Variants in BIRC2 observed in about 807,000 individuals in gnomAD.
The protein encoded by BIRC2 is baculoviral IAP repeat containing 2.
BIRC2 carries 18 observed loss-of-function variants against 60.9 expected under a neutral mutation model. That is an observed-to-expected ratio of 0.30 (90% CI 0.20 to 0.44). The LOEUF is 0.44. Ranked by LOEUF, BIRC2 falls within the 20% of genes least tolerant of loss-of-function variation. BIRC2 has a pLI of 1.00. For missense variants in BIRC2, 701 were observed against 728.5 expected (o/e 0.96, Z 0.43); for synonymous variants, 282 against 247.7 (o/e 1.14, Z -1.30).
chr11:102,356,917 A>G (rs1475767151), intron 3 of BIRC2, among the ~76,000 whole-genome samples: 2 of 150,710 alleles, frequency 1.3e-5, no homozygotes, highest in African/African-American at 4.9e-5. Flanking sequence ...TGATCCACCC[A>G]TCTTGGCCTC....
chr11:102,364,178 C>CAG (rs1565335647), intron 5 of BIRC2, among the ~76,000 whole-genome samples: 5 of 62,740 alleles, frequency 8.0e-5, no homozygotes, highest in Non-Finnish European at 1.2e-4. Flanking sequence ...TATATATACA[C>CAG]ACACACACAG....
intron 5 of BIRC2, among the ~76,000 whole-genome samples, chr11:102,365,419 T>G (rs1006936027): frequency 6.6e-6 from 1 of 152,172 alleles, no homozygotes; most frequent in Non-Finnish European, 1.5e-5. Context: ...CCTAGGAAGA[T>G]TTATCTGTGC....
intron 6 of BIRC2, among the ~76,000 whole-genome samples, chr11:102,374,505 TGAG>T (rs1407531601): frequency 1.3e-5 from 2 of 149,422 alleles, no homozygotes; most frequent in South Asian, 2.2e-4. Flanking sequence ...GGGACCCACT[TGAG>T]GAGGCAGTCT....
chr11:102,376,041 C>G (rs983887695), intron 6 of BIRC2, among the ~76,000 whole-genome samples: 4 of 151,254 alleles, frequency 2.6e-5, no homozygotes, highest in African/African-American at 9.7e-5. Flanking sequence ...TAAGAAAAGT[C>G]AATTTAAGGA....
chr11:102,370,020 T>A (rs1207965251), intron 6 of BIRC2, among the ~76,000 whole-genome samples: 1 of 152,228 alleles, frequency 6.6e-6, no homozygotes, highest in African/African-American at 2.4e-5. Context: ...TTGTTTGTTT[T>A]TGTCTTGTAA....
intron 3 of BIRC2, among the ~76,000 whole-genome samples, chr11:102,356,753 A>G (rs1951427454): frequency 6.8e-6 from 1 of 147,782 alleles, no homozygotes; most frequent in African/African-American, 2.5e-5. Flanking sequence ...ATCTCAGTTC[A>G]CTGCAACCTC....
intron 6 of BIRC2, among the ~76,000 whole-genome samples, chr11:102,374,985 T>G (rs1303293364): frequency 6.6e-6 from 1 of 152,234 alleles, no homozygotes; most frequent in East Asian, 1.9e-4. Flanking sequence ...CTTGACCCCT[T>G]GGGCTTCCCA....
At chr11:102,377,832 T>G in intron 7 of BIRC2, 25 bp from the exon 8 acceptor site, 1 of 1,599,932 alleles carries the variant, frequency 6.3e-7, no homozygotes, top group East Asian at 2.2e-5. Flanking sequence ...AGTAGAGTAA[T>G]GGTTTTTATG....
chr11:102,364,785 G>T (rs1440177430), intron 5 of BIRC2, among the ~76,000 whole-genome samples: 1 of 147,878 alleles, frequency 6.8e-6, no homozygotes. Flanking sequence ...TGGAAAATAG[G>T]AAGGAGAGTA....
chr11:102,355,393 T>C (rs1411183947), intron 3 of BIRC2, among the ~76,000 whole-genome samples: 2 of 152,214 alleles, frequency 1.3e-5, no homozygotes, highest in African/African-American at 4.8e-5. Flanking sequence ...CATTGTGTGT[T>C]CTTTGTGCCC....
In BIRC2 at chr11:102,368,424, A is replaced by G. The variant is rs190444578; in HGVS notation, c.1242A>G (p.Gln414=). The G allele has an allele frequency of 2.5e-6, 4 of 1,614,048 alleles. No individual in the cohort carries two copies. Among genetic ancestry groups the G allele is most frequent in the Non-Finnish European group, 2.5e-6 (3 of 1,179,976 alleles). ...FNRDLVKQTV[Q]SKILTTGENY... ...GAGACCTGGTGAAACAAACAGTTCA[A>G]AGTAAAATCCTGACAACTGGAGAGA... Residue 414 remains glutamine (Q), a synonymous_variant, in exon 6 of 9, where the codon CAA becomes CAG. Transcript: ENST00000227758.
chr11:102,357,483 CT>C (rs1170426415), intron 3 of BIRC2, among the ~76,000 whole-genome samples: 1 of 151,992 alleles, frequency 6.6e-6, no homozygotes, highest in Non-Finnish European at 1.5e-5. Flanking sequence ...AGTTATAAGT[CT>C]TTTCAGATCT....
At chr11:102,376,985 G>A (rs1169882317) in intron 6 of BIRC2, among the ~76,000 whole-genome samples, 2 of 152,028 alleles carry the variant, frequency 1.3e-5, no homozygotes, top group African/African-American at 2.4e-5. Flanking sequence ...TAAGTATGGG[G>A]TGTTGAAAAG....
chr11:102,368,679 C>T, intron 6 of BIRC2, 131 bp downstream of exon 6: 1 of 1,287,366 alleles, frequency 7.8e-7, no homozygotes, highest in Non-Finnish European at 1.1e-6. Flanking sequence ...ATTTCGAAAC[C>T]ATCCCTCCTT....
Position 102,348,491 on chromosome 11 carries a change from A to G in BIRC2, c.-1257-107A>G, listed in dbSNP as rs554848068. ...TTGCTGGAATTAAGATGTATTATCT[A>G]AAGTGTGAATTATTCTTAGACTTTA... On this transcript the variant is annotated intron_variant, in intron 1 of 8. Transcript: ENST00000227758. The G allele has an allele frequency of 1.5e-4, 25 of 162,716 alleles. No individual in the cohort carries two copies. In the South Asian group the frequency reaches 3.2e-3, roughly 21 times the overall value. 10.1% of individuals were successfully genotyped at this position (162,716 alleles called of 1,614,324 possible). A position where few individuals can be genotyped will look rare whatever the true frequency, so the allele number is the denominator to read the frequency against.
intron 6 of BIRC2, among the ~76,000 whole-genome samples, chr11:102,369,850 T>C (rs1459055885): frequency 1.2e-4 from 17 of 144,082 alleles, no homozygotes; most frequent in South Asian, 9.1e-4. Flanking sequence ...TTTTAATGAT[T>C]GCCATTCTAA....
intron 6 of BIRC2, among the ~76,000 whole-genome samples, chr11:102,371,997 T>C (rs1184932591): frequency 6.6e-6 from 1 of 152,238 alleles, no homozygotes; most frequent in Non-Finnish European, 1.5e-5. Context: ...TGTATTTCTG[T>C]GGGATCAGTG....
intron 6 of BIRC2, among the ~76,000 whole-genome samples, chr11:102,374,711 G>A (rs547962917): frequency 2.6e-5 from 4 of 152,102 alleles, no homozygotes; most frequent in African/African-American, 2.4e-5. Flanking sequence ...TCGAGTTCCT[G>A]GCTGCTTTGT....
In BIRC2 at chr11:102,357,238, A is replaced by C. The variant is rs190931546; in HGVS notation, c.996-5658A>C. 6.0e-3 allele frequency among the ~76,000 whole-genome samples: 908 copies of C among 151,892 alleles called. 4 individuals carry two copies. Among genetic ancestry groups the C allele is most frequent in the Non-Finnish European group, 9.4e-3 (640 of 67,910 alleles). On this transcript the variant is annotated intron_variant, in intron 3 of 8. Coordinates refer to ENST00000227758, the MANE Select transcript of BIRC2 (RefSeq NM_001166.5). ...CTTGGCTTCATAAAATGAGTTTGGA[A>C]GTATTCCCCCCTCCTCCCTCCTTAC...
Sources: allele counts gnomAD v4.1 joint callset (sites outside exome capture counted in the v4.1 genomes callset), GRCh38; gene constraint gnomAD v4.1.1; transcripts MANE v1.5; gene names NCBI Gene and HGNC (gene_info 2026-07-23, HGNC 2026-07-21).